MAP3K19: variants seen among roughly 807,000 people sequenced by gnomAD.
The protein encoded by MAP3K19 is mitogen-activated protein kinase kinase kinase 19.
In MAP3K19, 91 loss-of-function variants were observed where a neutral mutation model predicts 114.4. The observed-to-expected ratio is 0.80, with a 90% confidence interval of 0.67 to 0.95. The LOEUF (loss-of-function observed/expected upper bound fraction) is 0.95, where lower values mean the gene tolerates loss of function less well. Ranked by LOEUF, MAP3K19 falls within the 40% of genes least tolerant of loss-of-function variation. The pLI, the probability that MAP3K19 is intolerant of heterozygous loss-of-function variation, is 0.00. For missense variants in MAP3K19, 1,471 were observed against 1,573.2 expected, an observed-to-expected ratio of 0.94 and a Z score of 1.10; for synonymous variants, 518 against 530.5, an observed-to-expected ratio of 0.98 and a Z score of 0.32.
At chr2:134,977,432 G>A (rs1390045945) in intron 12 of MAP3K19, among the ~76,000 whole-genome samples, 4 of 129,798 alleles carry the variant, frequency 3.1e-5, no homozygotes, top group East Asian at 2.3e-4. Context: ...GAGCAATCTC[G>A]GCTCACTGCA....
chr2:134,966,293 T>C lies in MAP3K19; in HGVS notation c.3921-1377A>G, dbSNP rs138007283. On this transcript the variant is annotated intron_variant, in intron 12 of 12. Coordinates refer to ENST00000392915, the MANE Select transcript of MAP3K19 (RefSeq NM_025052.5). Reference sequence around the variant, plus strand: ...CGGCAGGTAGTTCTATTTTTAGTTTTTTGGGGTTTTTTTGAGAAATCTCCA... The same window carrying C: ...CGGCAGGTAGTTCTATTTTTAGTTTCTTGGGGTTTTTTTGAGAAATCTCCA... Among the ~76,000 whole-genome samples, 101 of 152,286 alleles carry C rather than the reference T, an allele frequency of 6.6e-4. 1 individual carries two copies. In the East Asian group the frequency reaches 0.019, roughly 28 times the overall value.
intron 5 of MAP3K19, among the ~76,000 whole-genome samples, chr2:135,006,112 T>G (rs921906219): frequency 1.3e-5 from 2 of 152,238 alleles, no homozygotes; most frequent in African/African-American, 4.8e-5. Flanking sequence ...ATCATTATAG[T>G]TGAAAACCAA....
intron 3 of MAP3K19, among the ~76,000 whole-genome samples, chr2:135,030,110 G>A (rs775006024): frequency 1.4e-4 from 22 of 152,164 alleles, no homozygotes; most frequent in Non-Finnish European, 2.9e-4. Flanking sequence ...GGTGGAAATC[G>A]ACTGCTCCTG....
chr2:134,986,813 C>G lies in MAP3K19; in HGVS notation c.2059G>C (p.Glu687Gln). The G allele has an allele frequency of 6.2e-7, 1 of 1,614,166 alleles. No individual in the cohort carries two copies. The highest frequency in any genetic ancestry group is 2.2e-5 in the East Asian group (1 of 44,886). Residue 687 changes from glutamate (E) to glutamine (Q), a missense_variant, in exon 10 of 13, where the codon GAG (glutamate) becomes CAG (glutamine). Coordinates refer to ENST00000392915, the MANE Select transcript of MAP3K19 (RefSeq NM_025052.5). ...TERDENTYYR[E>Q]ICSAPSGRRI... The stretch of plus-strand genomic sequence containing the variant: ...CTGCCTGATGGAGCCGAACATATCT[C>G]ACGGTAATACGTGTTTTCATCCCTT...
At chr2:135,003,874 G>A (rs1187298522) in intron 6 of MAP3K19, among the ~76,000 whole-genome samples, 2 of 152,104 alleles carry the variant, frequency 1.3e-5, no homozygotes, top group East Asian at 1.9e-4. Flanking sequence ...GATTTAAACC[G>A]ATATTTAAAA....
At chr2:135,014,166 G>A (rs1045773337) in intron 5 of MAP3K19, among the ~76,000 whole-genome samples, 1 of 152,062 alleles carries the variant, frequency 6.6e-6, no homozygotes, top group Non-Finnish European at 1.5e-5. Flanking sequence ...CAGCCTGGGT[G>A]ACATGGTGAA....
intron 12 of MAP3K19, among the ~76,000 whole-genome samples, chr2:134,978,970 A>G (rs1484066802): frequency 2.0e-5 from 3 of 152,164 alleles, no homozygotes; most frequent in African/African-American, 7.2e-5. Context: ...TGATCTGTCA[A>G]TAGGAGTACC....
intron 6 of MAP3K19, among the ~76,000 whole-genome samples, chr2:135,002,949 T>C (rs924215173): frequency 6.6e-6 from 1 of 152,190 alleles, no homozygotes; most frequent in Non-Finnish European, 1.5e-5. Context: ...GTTGAAGCCC[T>C]AACCCCCAAG....
chr2:135,023,615 G>A (rs966175436), intron 4 of MAP3K19: 14 of 498,532 alleles, frequency 2.8e-5, no homozygotes, highest in Non-Finnish European at 1.2e-5. Flanking sequence ...GGTTGTCTCT[G>A]TGTCTCCGCT....
intron 12 of MAP3K19, among the ~76,000 whole-genome samples, chr2:134,979,595 T>C (rs1391379558): frequency 1.3e-5 from 2 of 151,330 alleles, no homozygotes; most frequent in Non-Finnish European, 2.9e-5. Context: ...TTAACACCAA[T>C]ATCAAACTAG....
At chr2:134,979,079 A>G (rs1226687728) in intron 12 of MAP3K19, among the ~76,000 whole-genome samples, 1 of 152,176 alleles carries the variant, frequency 6.6e-6, no homozygotes, top group Non-Finnish European at 1.5e-5. Flanking sequence ...TGAATCTTTA[A>G]GAGTGCCTCG....
At chr2:135,024,505 C>G in intron 4 of MAP3K19, 121 bp downstream of exon 4, 2 of 919,386 alleles carry the variant, frequency 2.2e-6, no homozygotes, top group Non-Finnish European at 3.6e-6. Flanking sequence ...AGTCACTGCT[C>G]CATAAATAGC....
At chr2:135,039,127 T>C (rs71417549) in intron 2 of MAP3K19, among the ~76,000 whole-genome samples, 74 of 84,626 alleles carry the variant, frequency 8.7e-4, no homozygotes, top group Admixed American at 2.1e-3. Flanking sequence ...TTCTTTCTTT[T>C]TTTTTTTTTT....
chr2:134,980,032 CTT>C (rs1286198176), intron 12 of MAP3K19, among the ~76,000 whole-genome samples: 5 of 152,108 alleles, frequency 3.3e-5, no homozygotes, highest in Non-Finnish European at 7.4e-5. Flanking sequence ...AGGAAATTGA[CTT>C]TGAGTCTCAG....
At chr2:134,975,461 C>CTGCCAACCAA (rs1030705936) in intron 12 of MAP3K19, among the ~76,000 whole-genome samples, 4 of 152,156 alleles carry the variant, frequency 2.6e-5, no homozygotes, top group African/African-American at 9.7e-5. Context: ...GCTGCTGGGC[C>CTGCCAACCAA]AGGCTTGGTT....
At position 134,987,161 on chromosome 2, in the gene MAP3K19, T is replaced by A; in HGVS notation, c.1711A>T (p.Thr571Ser). 3 of 1,614,122 alleles carry A rather than the reference T, an allele frequency of 1.9e-6. No homozygotes were observed. The highest frequency in any genetic ancestry group is 2.5e-6 in the Non-Finnish European group (3 of 1,180,030). ...KPTMHKTSIK[T>S]QIFPALGLVD... ...AGTCCCAAAGCCGGGAAAATTTGTG[T>A]TTTTATGCTGGTTTTATGCATGGTA... The change falls in exon 10 of 13, where the codon ACA (threonine) becomes TCA (serine). Residue 571 changes from threonine to serine, a missense_variant. Coordinates refer to ENST00000392915, the MANE Select transcript of MAP3K19 (RefSeq NM_025052.5).
intron 2 of MAP3K19, among the ~76,000 whole-genome samples, chr2:135,031,158 TA>T (rs58623364): frequency 0.27 from 36,816 of 134,704 alleles, 5,761 homozygotes; most frequent in African/African-American, 0.45. Flanking sequence ...GAGACATATT[TA>T]AAAAAAAAAA....
chr2:135,042,432 G>A (rs1038898295), intron 1 of MAP3K19, among the ~76,000 whole-genome samples: 43 of 151,240 alleles, frequency 2.8e-4, no homozygotes, highest in Admixed American at 7.2e-4. Flanking sequence ...AACCCAGGAG[G>A]CGGAGCTTGC....
intron 3 of MAP3K19, among the ~76,000 whole-genome samples, chr2:135,029,076 T>C (rs751479185): frequency 6.6e-6 from 1 of 152,114 alleles, no homozygotes; most frequent in Admixed American, 6.5e-5. Context: ...AATGTGGCTA[T>C]AAAAACAGAC....
Sources: allele counts gnomAD v4.1 joint callset (sites outside exome capture counted in the v4.1 genomes callset), GRCh38; gene constraint gnomAD v4.1.1; transcripts MANE v1.5; gene names NCBI Gene and HGNC (gene_info 2026-07-23, HGNC 2026-07-21).